Variants in TFDP2 observed in about 807,000 individuals in gnomAD.
TFDP2 encodes transcription factor Dp-2.
A neutral mutation model predicts 59.3 loss-of-function variants in TFDP2; 17 were observed. The observed-to-expected ratio is 0.29, with a 90% CI of 0.20 to 0.43. The LOEUF (loss-of-function observed/expected upper bound fraction) is 0.43, where lower values mean the gene tolerates loss of function less well. Ranked by LOEUF, TFDP2 falls within the 20% of genes least tolerant of loss-of-function variation. TFDP2 has a pLI of 1.00. For missense variants in TFDP2, 391 were observed against 528.8 expected (o/e 0.74, Z 2.56); for synonymous variants, 180 against 194.7 (o/e 0.92, Z 0.63).
chr3:142,095,550 T>C (rs1299476886), intron 2 of TFDP2, among the ~76,000 whole-genome samples: 7 of 152,360 alleles, frequency 4.6e-5, no homozygotes, highest in Admixed American at 6.5e-5. Flanking sequence ...ATCTAGAAAA[T>C]GGCCTCTTAA....
intron 3 of TFDP2, among the ~76,000 whole-genome samples, chr3:142,088,319 T>C (rs1016360973): frequency 1.6e-5 from 2 of 125,600 alleles, no homozygotes; most frequent in Non-Finnish European, 3.9e-5. Context: ...TCCAGCTATC[T>C]TTTTTTTTTC....
chr3:141,964,553 G>A (rs1937653609), intron 9 of TFDP2, among the ~76,000 whole-genome samples: 1 of 152,284 alleles, frequency 6.6e-6, no homozygotes, highest in South Asian at 2.1e-4. Flanking sequence ...CCAGGAGGCT[G>A]AGGTGGGAGG....
chr3:141,979,965 G>C (rs1176734417), intron 6 of TFDP2, among the ~76,000 whole-genome samples: 1 of 151,332 alleles, frequency 6.6e-6, no homozygotes, highest in Non-Finnish European at 1.5e-5. Flanking sequence ...CTAGAGTGCA[G>C]TGGTGCCGTC....
intron 6 of TFDP2, among the ~76,000 whole-genome samples, chr3:141,983,850 G>T (rs1198096693): frequency 6.6e-6 from 1 of 152,118 alleles, no homozygotes; most frequent in African/African-American, 2.4e-5. Flanking sequence ...CACCCATTAT[G>T]CACTGCTGGT....
intron 1 of TFDP2, among the ~76,000 whole-genome samples, chr3:142,128,180 C>G (rs914510648): frequency 6.6e-6 from 1 of 152,040 alleles, no homozygotes; most frequent in African/African-American, 2.4e-5. Context: ...CCAGCCTGGG[C>G]AAGAGCAACA....
rs148987437 is a variant in TFDP2 at position 142,076,557 on chromosome 3, A to C, written c.82+16504T>G. ...ATAGAAATAATGTGATAGTGGTTTC[A>C]ATCTTTAATCTTAGATTTATTGCAA... is the stretch of plus-strand genomic sequence containing the variant. On this transcript the variant is annotated intron_variant, in intron 3 of 12. Coordinates refer to ENST00000489671, the MANE Select transcript of TFDP2 (RefSeq NM_001178139.2). Among the ~76,000 whole-genome samples the C allele has an allele frequency of 3.4e-3, 512 of 152,342 alleles. 2 individuals carry two copies. The highest frequency in any genetic ancestry group is 0.012 in the African/African-American group (482 of 41,576).
At chr3:141,957,295 C>T (rs565462323) in intron 11 of TFDP2, among the ~76,000 whole-genome samples, 22 of 152,190 alleles carry the variant, frequency 1.4e-4, no homozygotes, top group African/African-American at 5.1e-4. Context: ...CCAGCTTGGG[C>T]GACAGAGTGA....
rs1425418411 is a variant in TFDP2 at position 141,949,813 on chromosome 3, T to TC, written c.*2699_*2700insG. The stretch of plus-strand genomic sequence containing the variant: ...CATTGTGACCACAACTTCCATTTTT[T>TC]TTTTTTTTTTTTTTGAGACAGGGTC... On this transcript the variant is annotated 3_prime_UTR_variant, in exon 13 of 13. Transcript: ENST00000489671. 7.2e-6 allele frequency: 1 copy of TC among 139,814 alleles called. No individual in the cohort carries two copies. The highest frequency in any genetic ancestry group is 1.5e-5 in the Non-Finnish European group (1 of 65,526). 8.7% of individuals were successfully genotyped at this position (139,814 alleles called of 1,614,324 possible). A position where few individuals can be genotyped will look rare whatever the true frequency, so the allele number is the denominator to read the frequency against.
At chr3:142,138,183 T>C (rs1560184760) in intron 1 of TFDP2, among the ~76,000 whole-genome samples, 2 of 152,244 alleles carry the variant, frequency 1.3e-5, no homozygotes, top group African/African-American at 2.4e-5. Flanking sequence ...TAGTATTCTC[T>C]GATGGTAGTT....
chr3:142,044,089 G>T, intron 3 of TFDP2: 1 of 648,058 alleles, frequency 1.5e-6, no homozygotes. Context: ...CTGCTGACGG[G>T]AGTTGGCATT....
At chr3:142,035,460 C>T (rs1946649087) in intron 3 of TFDP2, among the ~76,000 whole-genome samples, 1 of 152,224 alleles carries the variant, frequency 6.6e-6, no homozygotes, top group African/African-American at 2.4e-5. Flanking sequence ...CATCTAACAG[C>T]AACCTCATTA....
intron 1 of TFDP2, among the ~76,000 whole-genome samples, chr3:142,105,042 T>TA (rs2061430860): frequency 6.6e-6 from 1 of 152,168 alleles, no homozygotes; most frequent in South Asian, 2.1e-4. Context: ...GAAAAACTGA[T>TA]ACACTGAATG....
chr3:141,978,917 T>G (rs1398690395), intron 6 of TFDP2, among the ~76,000 whole-genome samples: 1 of 152,206 alleles, frequency 6.6e-6, no homozygotes, highest in Non-Finnish European at 1.5e-5. Flanking sequence ...TCAACAAATA[T>G]TTATTGACCA....
At chr3:142,055,941 CTTTTTTTTTTTTTTTTTT>C (rs529693273) in intron 3 of TFDP2, among the ~76,000 whole-genome samples, 1 of 70,186 alleles carries the variant, frequency 1.4e-5, no homozygotes, top group African/African-American at 7.1e-5. Flanking sequence ...TATTAAGTAC[CTTTTTTTTTTTTTTTTTT>C]TTTTTTTTTT....
intron 3 of TFDP2, among the ~76,000 whole-genome samples, chr3:142,091,383 C>A (rs144379692): frequency 6.6e-6 from 1 of 151,784 alleles, no homozygotes; most frequent in African/African-American, 2.4e-5. Flanking sequence ...AAGGTGAAAC[C>A]GTGGAAACCC....
intron 3 of TFDP2, among the ~76,000 whole-genome samples, chr3:142,022,503 A>G (rs996564249): frequency 6.6e-6 from 1 of 152,114 alleles, no homozygotes; most frequent in African/African-American, 2.4e-5. Flanking sequence ...CAGTCAATAC[A>G]CCCACCAGAT....
Position 141,995,093 on chromosome 3 carries a change from C to T in TFDP2, c.235G>A (p.Gly79Arg), listed in dbSNP as rs758082604. Residue 79 changes from glycine to arginine, a missense_variant, in exon 5 of 13, where the codon GGG (glycine) becomes AGG (arginine). By Grantham distance (125) the Gly-to-Arg change is moderately radical. Coordinates refer to ENST00000489671, the MANE Select transcript of TFDP2 (RefSeq NM_001178139.2). ...GCTGGTGCAGGGGTATATGGACTCC[C>T]AATCAGAACACTTCCTGAACTGGTT... is the stretch of plus-strand genomic sequence containing the variant. ...RLTSSGSVLI[G>R]SPYTPAPAMV... 1.2e-6 allele frequency: 2 copies of T among 1,610,620 alleles called. No homozygotes were observed. The highest frequency in any genetic ancestry group is 4.5e-5 in the East Asian group (2 of 44,752).
At chr3:142,070,519 G>A (rs937829596) in intron 3 of TFDP2, among the ~76,000 whole-genome samples, 2 of 151,948 alleles carry the variant, frequency 1.3e-5, no homozygotes, top group Non-Finnish European at 1.5e-5. Context: ...GGCTCAAACA[G>A]TTCTCCAGCC....
chr3:142,073,764 A>G (rs952201949), intron 3 of TFDP2, among the ~76,000 whole-genome samples: 5 of 152,242 alleles, frequency 3.3e-5, no homozygotes, highest in African/African-American at 1.2e-4. Flanking sequence ...TCATAAAACC[A>G]TCACCTCTAT....
Sources: gnomAD v4.1 joint callset for allele counts (sites outside exome capture counted in the v4.1 genomes callset) on GRCh38, gnomAD v4.1.1 for gene constraint, MANE v1.5 for transcripts, NCBI Gene and HGNC (gene_info 2026-07-23, HGNC 2026-07-21) for gene names.